ZC3H12D: variants seen among roughly 807,000 people sequenced by gnomAD.
The protein encoded by ZC3H12D is zinc finger CCCH-type containing 12D.
A neutral mutation model predicts 24.2 loss-of-function variants in ZC3H12D; 11 were observed. The observed-to-expected ratio is 0.46, with a 90% CI of 0.29 to 0.75. ZC3H12D has a LOEUF of 0.75. Among genes scored for constraint, ZC3H12D ranks in the 30% least tolerant of loss-of-function variants. The pLI is 0.11. For synonymous variants in ZC3H12D, 333 were observed against 341.8 expected, an observed-to-expected ratio of 0.97 and a Z score of 0.28; for missense variants, 740 against 767.7, an observed-to-expected ratio of 0.96 and a Z score of 0.43.
Position 149,450,744 on chromosome 6 carries a change from G to A in ZC3H12D, c.1523C>T (p.Ala508Val). The change falls in exon 6 of 6, where the codon GCC (alanine) becomes GTC (valine). Residue 508 changes from alanine (A) to valine (V), a missense_variant. Transcript: ENST00000409806. ...MAAFPELSDL[A>V]RLILLVQRCQ... is the part of the protein sequence containing the mutation. ...TCTCTGTACCAGGAGGATGAGCCTG[G>A]CGAGGTCTGAGAGCTCCGGGAACGC... 6.5e-7 allele frequency: 1 copy of A among 1,548,862 alleles called. No homozygotes were observed. Among genetic ancestry groups the A allele is most frequent in the Non-Finnish European group, 8.7e-7 (1 of 1,146,472 alleles).
rs536358208 is a variant in ZC3H12D, at chr6:149,451,495, G to A, written c.788-16C>T. 10 of 1,555,142 alleles carry A rather than the reference G, an allele frequency of 6.4e-6. No individual in the cohort carries two copies. Among genetic ancestry groups the A allele is most frequent in the African/African-American group, 5.7e-5 (4 of 70,724 alleles). On this transcript the variant is annotated splice_polypyrimidine_tract_variant and intron_variant, in intron 5 of 5. Coordinates refer to ENST00000409806, the MANE Select transcript of ZC3H12D (RefSeq NM_207360.3). ...CATTTCTTGCCTGAAAGGGGCGGGG[G>A]CAGAGAGGGCGCGACGTGAGGCCCG...
chr6:149,476,136 G>C (rs1040004502), intron 1 of ZC3H12D, among the ~76,000 whole-genome samples: 2 of 152,134 alleles, frequency 1.3e-5, no homozygotes, highest in Non-Finnish European at 2.9e-5. Flanking sequence ...TATTGTTTTA[G>C]AGTTGTTTTG....
At chr6:149,462,297 C>T (rs1352121972) in intron 2 of ZC3H12D, among the ~76,000 whole-genome samples, 1 of 152,074 alleles carries the variant, frequency 6.6e-6, no homozygotes, top group Non-Finnish European at 1.5e-5. Flanking sequence ...TCACTTGAAC[C>T]CGAAAGATGG....
chr6:149,482,507 C>T (rs557174444), intron 1 of ZC3H12D, among the ~76,000 whole-genome samples: 205 of 152,282 alleles, frequency 1.3e-3, no homozygotes, highest in African/African-American at 4.7e-3. Context: ...GTCACAGGAG[C>T]AGCTTCCTGT....
intron 4 of ZC3H12D, among the ~76,000 whole-genome samples, chr6:149,453,827 G>A (rs966212465): frequency 6.6e-6 from 1 of 152,130 alleles, no homozygotes; most frequent in African/African-American, 2.4e-5. Context: ...GATCCCTGGA[G>A]TCCAGGAGTC....
intron 2 of ZC3H12D, among the ~76,000 whole-genome samples, chr6:149,462,469 C>G (rs1776089614): frequency 6.6e-6 from 1 of 152,116 alleles, no homozygotes; most frequent in Admixed American, 6.5e-5. Context: ...AAATAATAAC[C>G]ATTAACAAGA....
At chr6:149,465,736 C>G (rs1776148267) in intron 2 of ZC3H12D, among the ~76,000 whole-genome samples, 2 of 132,054 alleles carry the variant, frequency 1.5e-5, no homozygotes. Flanking sequence ...GCCTGGGCGA[C>G]AGAGCGAGAC....
chr6:149,462,026 T>C lies in ZC3H12D; in HGVS notation c.306-56A>G. ...ACACAGCAAGTGTTCCTAAGAGTGA[T>C]TTCCCTGCGAATATCCTGGATCACA... On this transcript the variant is annotated intron_variant, in intron 2 of 5. Transcript: ENST00000409806. 6.4e-6 allele frequency: 10 copies of C among 1,561,228 alleles called. No homozygotes were observed. The Middle Eastern group carries it at 6.7e-4, about 105-fold the overall frequency.
intron 2 of ZC3H12D, among the ~76,000 whole-genome samples, chr6:149,473,228 T>C (rs1276573538): frequency 6.6e-6 from 1 of 151,382 alleles, no homozygotes; most frequent in Non-Finnish European, 1.5e-5. Flanking sequence ...CAAACCTCGG[T>C]CCTGCAACAC....
chr6:149,461,943 G>A lies in ZC3H12D; in HGVS notation c.333C>T (p.Cys111=). ...AGTCAACAGCCAGCTTGATTCCCCG[G>A]CAAGAGAAGGTTTCTTTATTTCCAT... ...MSHGNKETFS[C]RGIKLAVDWF... Residue 111 remains cysteine, a synonymous_variant, in exon 3 of 6, where the codon TGC becomes TGT. Coordinates refer to ENST00000409806, the MANE Select transcript of ZC3H12D (RefSeq NM_207360.3). 1 of 1,611,864 alleles carries A rather than the reference G, an allele frequency of 6.2e-7. No homozygotes were observed. Among genetic ancestry groups the A allele is most frequent in the Non-Finnish European group, 8.5e-7 (1 of 1,179,084 alleles).
intron 1 of ZC3H12D, among the ~76,000 whole-genome samples, chr6:149,480,549 C>G (rs1412982529): frequency 6.6e-6 from 1 of 152,166 alleles, no homozygotes; most frequent in Non-Finnish European, 1.5e-5. Flanking sequence ...CCAGCCTGAC[C>G]AACGTGGAGA....
chr6:149,474,037 G>GTA (rs1776290012), intron 2 of ZC3H12D, among the ~76,000 whole-genome samples: 2 of 152,020 alleles, frequency 1.3e-5, no homozygotes. Context: ...TATCCCAACC[G>GTA]TACAGATGGG....
At chr6:149,459,296 A>G (rs1303214536) in intron 3 of ZC3H12D, among the ~76,000 whole-genome samples, 6 of 152,246 alleles carry the variant, frequency 3.9e-5, no homozygotes, top group Non-Finnish European at 8.8e-5. Flanking sequence ...CAGGACAACC[A>G]GTTCATGACA....
chr6:149,458,999 C>G (rs1422929162), intron 3 of ZC3H12D, among the ~76,000 whole-genome samples: 2 of 152,192 alleles, frequency 1.3e-5, no homozygotes, highest in Non-Finnish European at 2.9e-5. Context: ...AGGCAGTAAT[C>G]CTTCATCAGT....
chr6:149,469,763 C>G (rs1776215856), intron 2 of ZC3H12D, among the ~76,000 whole-genome samples: 1 of 152,126 alleles, frequency 6.6e-6, no homozygotes, highest in Non-Finnish European at 1.5e-5. Context: ...CATGTGGCAC[C>G]CTGAGGGCAT....
Position 149,452,413 on chromosome 6 carries a change from C to T in ZC3H12D, c.787+203G>A. The T allele has an allele frequency of 2.1e-6, 1 of 484,316 alleles. No homozygotes were observed. The highest frequency in any genetic ancestry group is 3.6e-6 in the Non-Finnish European group (1 of 279,466). The allele number at this position is 484,316 out of a possible 1,614,324, so 30.0% of individuals were successfully genotyped here. Reference sequence around the variant, plus strand: ...ATCCGACCCTGGCATGGGATCCTGGCTCCCATGAAATCACCGGCCAGGATG... The same window carrying T: ...ATCCGACCCTGGCATGGGATCCTGGTTCCCATGAAATCACCGGCCAGGATG... On this transcript the variant is annotated intron_variant, in intron 5 of 5. Coordinates refer to ENST00000409806, the MANE Select transcript of ZC3H12D (RefSeq NM_207360.3). The surrounding 1 kb of genome is among the most constrained non-coding windows in gnomAD (Gnocchi z 4.0).
At position 149,450,934 on chromosome 6, in the gene ZC3H12D, G is replaced by C; in HGVS notation, c.1333C>G (p.Arg445Gly). 2 of 1,539,688 alleles carry C rather than the reference G, an allele frequency of 1.3e-6. No individual in the cohort carries two copies. The highest frequency in any genetic ancestry group is 2.4e-5 in the East Asian group (1 of 40,936). ...DPWARPPRSD[R>G]FPGRSVWAEP... The stretch of plus-strand genomic sequence containing the variant: ...GCCCAGACGGAGCGCCCAGGGAAGC[G>C]GTCGGAGCGGGGTGGACGGGCCCAC... Residue 445 changes from arginine to glycine, a missense_variant, in exon 6 of 6, where the codon CGC (arginine) becomes GGC (glycine). Transcript: ENST00000409806.
Position 149,449,250 on chromosome 6 carries a change from C to T in ZC3H12D, c.*1433G>A, listed in dbSNP as rs1416136920. On this transcript the variant is annotated 3_prime_UTR_variant, in exon 6 of 6. Coordinates refer to ENST00000409806, the MANE Select transcript of ZC3H12D (RefSeq NM_207360.3). ...TCATGTCAGTTTTCTCCTAACCCAC[C>T]TGTAGATTTGAGAGCAAAAGTCCTG... 3.3e-5 allele frequency: 5 copies of T among 152,180 alleles called. No individual in the cohort carries two copies. Among genetic ancestry groups the T allele is most frequent in the African/African-American group, 1.2e-4 (5 of 41,436 alleles). The allele number at this position is 152,180 out of a possible 1,614,324, so 9.4% of individuals were successfully genotyped here. A position where few individuals can be genotyped will look rare whatever the true frequency, so the allele number is the denominator to read the frequency against.
At chr6:149,458,093 TTTTC>T (rs1207870191) in intron 3 of ZC3H12D, among the ~76,000 whole-genome samples, 21 of 145,812 alleles carry the variant, frequency 1.4e-4, no homozygotes, top group Non-Finnish European at 2.1e-4. Flanking sequence ...ATGAGAATCA[TTTTC>T]TTTCTTTCTT....
Sources: gnomAD v4.1 joint callset for allele counts (sites outside exome capture counted in the v4.1 genomes callset) on GRCh38, gnomAD v4.1.1 for gene constraint, Gnocchi (gnomAD v3.1) non-coding constraint, MANE v1.5 for transcripts, NCBI Gene and HGNC (gene_info 2026-07-23, HGNC 2026-07-21) for gene names.